RMDN2: variants seen among roughly 807,000 people sequenced by gnomAD.
The protein encoded by RMDN2 is regulator of microtubule dynamics protein 2.
Under a neutral mutation model 52.8 loss-of-function variants are expected in RMDN2, and 61 were observed. That is an observed-to-expected ratio of 1.16 (90% CI 0.94 to 1.43). The LOEUF is 1.43. Among genes scored for constraint, RMDN2 ranks in the 40% most tolerant of loss-of-function variants. The probability of loss-of-function intolerance (pLI) is 0.00; values close to 1 mark genes in which losing one functional copy is unlikely to be tolerated. For missense variants in RMDN2, 592 were observed against 475.3 expected (o/e 1.25, Z -2.28); for synonymous variants, 180 against 153.1 (o/e 1.18, Z -1.30).
intron 10 of RMDN2, among the ~76,000 whole-genome samples, chr2:38,023,939 C>T (rs1377714738): frequency 2.0e-5 from 3 of 152,206 alleles, no homozygotes; most frequent in Non-Finnish European, 4.4e-5. Flanking sequence ...ATCTCTCCCT[C>T]TTGCATCTCT....
chr2:38,003,588 A>T (rs1325801661), intron 8 of RMDN2, among the ~76,000 whole-genome samples: 1 of 151,806 alleles, frequency 6.6e-6, no homozygotes, highest in African/African-American at 2.4e-5. Flanking sequence ...AGATAGATAG[A>T]TAGATAGATA....
chr2:37,975,024 G>A lies in RMDN2; in HGVS notation c.628-188G>A, dbSNP rs971417448. On this transcript the variant is annotated intron_variant, in intron 3 of 10. Coordinates refer to ENST00000354545, the MANE Select transcript of RMDN2 (RefSeq NM_001170791.3). ...AGATCCAAATGTAACACTACATTAG[G>A]TCATATTTCTTAGCCATGAGTATTT... is the stretch of plus-strand genomic sequence containing the variant. The A allele has an allele frequency of 6.4e-5, 37 of 580,582 alleles. 1 individual carries two copies. Among genetic ancestry groups the A allele is most frequent in the South Asian group, 3.8e-4 (19 of 49,760 alleles). The allele number at this position is 580,582 out of a possible 1,614,324, so 36.0% of individuals were successfully genotyped here. A position where few individuals can be genotyped will look rare whatever the true frequency, so the allele number is the denominator to read the frequency against.
rs138741412 is a variant in RMDN2 at position 37,994,249 on chromosome 2, A to G, written c.945+2952A>G. 1.5e-3 allele frequency among the ~76,000 whole-genome samples: 236 copies of G among 152,356 alleles called. 2 individuals are homozygous for G. Among genetic ancestry groups the G allele is most frequent in the African/African-American group, 5.4e-3 (225 of 41,574 alleles). ...ACAGAATATTTAATATGTAGCTATA[A>G]TGTGTTTTTTAAAATAAGAGGAATT... On this transcript the variant is annotated intron_variant, in intron 7 of 10. Coordinates refer to ENST00000354545, the MANE Select transcript of RMDN2 (RefSeq NM_001170791.3).
intron 10 of RMDN2, among the ~76,000 whole-genome samples, chr2:38,004,763 A>G (rs1037441238): frequency 4.0e-5 from 6 of 151,532 alleles, no homozygotes; most frequent in African/African-American, 1.5e-4. Flanking sequence ...TTACATATGT[A>G]TATATGTGCC....
chr2:37,946,312 G>A (rs1668216342), intron 2 of RMDN2, among the ~76,000 whole-genome samples: 1 of 152,106 alleles, frequency 6.6e-6, no homozygotes, highest in South Asian at 2.1e-4. Context: ...TTTTTTTCAG[G>A]GAGGGTGGAC....
chr2:38,044,075 A>G (rs1027557659), intron 10 of RMDN2, among the ~76,000 whole-genome samples: 8 of 152,024 alleles, frequency 5.3e-5, no homozygotes, highest in African/African-American at 1.9e-4. Flanking sequence ...TATTTTACTG[A>G]CCTGCCTTGC....
intron 10 of RMDN2, among the ~76,000 whole-genome samples, chr2:38,026,678 G>A (rs961251911): frequency 6.6e-5 from 10 of 151,838 alleles, no homozygotes; most frequent in African/African-American, 1.9e-4. Flanking sequence ...AGGTATACAC[G>A]TGCCATGATT....
rs140675413 is a variant in RMDN2 at position 38,009,477 on chromosome 2, T to C, written c.1179+5261T>C. On this transcript the variant is annotated intron_variant, in intron 10 of 10. Transcript: ENST00000354545. ...CATTCATTTGATTTTCCATCACTGA[T>C]ACCCTTTCTTCCAGTTGATCAAATT... 2.1e-3 allele frequency among the ~76,000 whole-genome samples: 324 copies of C among 152,356 alleles called. 1 individual carries two copies. Among genetic ancestry groups the C allele is most frequent in the African/African-American group, 7.5e-3 (311 of 41,588 alleles).
intron 2 of RMDN2, among the ~76,000 whole-genome samples, chr2:37,932,504 T>TC (rs1457581265): frequency 6.6e-6 from 1 of 150,638 alleles, no homozygotes. Context: ...CTCAATCTTT[T>TC]CCCCACCTTT....
intron 2 of RMDN2, chr2:37,951,731 A>G: frequency 1.2e-6 from 2 of 1,612,604 alleles, no homozygotes; most frequent in South Asian, 1.1e-5. Flanking sequence ...CTGATGCTAA[A>G]AAACATATAA....
At chr2:37,925,738 G>T (rs892348294) in intron 1 of RMDN2, among the ~76,000 whole-genome samples, 2 of 152,234 alleles carry the variant, frequency 1.3e-5, no homozygotes, top group South Asian at 2.1e-4. Context: ...TGCTGCCTCG[G>T]CCCGGCTGGT....
At chr2:37,982,967 T>C (rs1673526441) in intron 5 of RMDN2, among the ~76,000 whole-genome samples, 1 of 152,132 alleles carries the variant, frequency 6.6e-6, no homozygotes, top group South Asian at 2.1e-4. Flanking sequence ...CTGGTTAGCC[T>C]AATTAGGATG....
At position 37,975,343 on chromosome 2, in the gene RMDN2, G is replaced by C. The variant is rs374788967; in HGVS notation, c.730+29G>C. The C allele has an allele frequency of 9.4e-6, 12 of 1,281,066 alleles. No homozygotes were observed. In the East Asian group the frequency reaches 2.8e-4, roughly 30 times the overall value. The allele number at this position is 1,281,066 out of a possible 1,614,324, so 79.4% of individuals were successfully genotyped here. The stretch of plus-strand genomic sequence containing the variant: ...AGCATTTTGTAAAGATTATTCTCAA[G>C]TAGCAATTAAGATCTATAGTAAATC... On this transcript the variant is annotated intron_variant, in intron 4 of 10. Coordinates refer to ENST00000354545, the MANE Select transcript of RMDN2 (RefSeq NM_001170791.3).
At chr2:37,943,570 AT>A (rs2124934372) in intron 2 of RMDN2, among the ~76,000 whole-genome samples, 1 of 152,348 alleles carries the variant, frequency 6.6e-6, no homozygotes, top group African/African-American at 2.4e-5. Flanking sequence ...TCTAAAATAA[AT>A]TCTTTTAAAA....
At chr2:38,037,772 C>G (rs1373328261) in intron 10 of RMDN2, among the ~76,000 whole-genome samples, 1 of 152,214 alleles carries the variant, frequency 6.6e-6, no homozygotes, top group African/African-American at 2.4e-5. Flanking sequence ...ATAAAGGATA[C>G]TGCGTGAGCT....
intron 10 of RMDN2, among the ~76,000 whole-genome samples, chr2:38,025,652 T>C (rs758095401): frequency 8.5e-5 from 13 of 152,088 alleles, no homozygotes; most frequent in Non-Finnish European, 1.9e-4. Flanking sequence ...TCTTTTGTTC[T>C]TATTTTGCTG....
intron 4 of RMDN2, among the ~76,000 whole-genome samples, chr2:37,977,113 AT>A (rs1286021142): frequency 6.6e-6 from 1 of 152,212 alleles, no homozygotes; most frequent in Admixed American, 6.5e-5. Flanking sequence ...CCCTTAATCC[AT>A]TTAACCCTTA....
At chr2:37,928,585 A>C (rs564310800) in intron 1 of RMDN2, among the ~76,000 whole-genome samples, 3 of 152,304 alleles carry the variant, frequency 2.0e-5, no homozygotes, top group Admixed American at 2.0e-4. Flanking sequence ...GAGCTTGCAT[A>C]ACCTCCCACC....
intron 2 of RMDN2, among the ~76,000 whole-genome samples, chr2:37,936,745 C>G (rs544268909): frequency 1.3e-5 from 2 of 151,972 alleles, no homozygotes; most frequent in South Asian, 4.2e-4. Context: ...GGGTTGTTTG[C>G]TTTTTTCTTG....
Sources: allele counts gnomAD v4.1 joint callset (sites outside exome capture counted in the v4.1 genomes callset), GRCh38; gene constraint gnomAD v4.1.1; transcripts MANE v1.5; gene names NCBI Gene and HGNC (gene_info 2026-07-23, HGNC 2026-07-21).